Variants in CNTN2 observed in about 807,000 individuals in gnomAD.
The protein encoded by CNTN2 is contactin 2, also known as contactin-2.
Under a neutral mutation model 117.5 loss-of-function variants are expected in CNTN2, and 53 were observed. That is an observed-to-expected ratio of 0.45 (90% CI 0.36 to 0.57). CNTN2 has a LOEUF of 0.57. Ranked by LOEUF, CNTN2 falls within the 20% of genes least tolerant of loss-of-function variation. The pLI, the probability that CNTN2 is intolerant of heterozygous loss-of-function variation, is 0.00. For missense variants in CNTN2, 1,106 were observed against 1,404.3 expected (o/e 0.79, Z 3.39); for synonymous variants, 530 against 561.7 (o/e 0.94, Z 0.80).
intron 9 of CNTN2, 23 bp downstream of exon 9, chr1:205,062,024 C>A (rs575930607): frequency 6.2e-7 from 1 of 1,610,018 alleles, no homozygotes; most frequent in South Asian, 1.1e-5. Flanking sequence ...GGGCTTCCCC[C>A]GACACATCAC....
Position 205,078,108 on chromosome 1 carries a change from C to T in CNTN2, c.*4343C>T, listed in dbSNP as rs1654945818. 6.6e-6 allele frequency: 1 copy of T among 152,190 alleles called. No individual in the cohort carries two copies. Among genetic ancestry groups the T allele is most frequent in the Non-Finnish European group, 1.5e-5 (1 of 68,054 alleles). The allele number at this position is 152,190 out of a possible 1,614,324, so 9.4% of individuals were successfully genotyped here. On this transcript the variant is annotated 3_prime_UTR_variant, in exon 23 of 23. Transcript: ENST00000331830. ...TTTATCCAAGAATTTCTTTACCCCC[C>T]ACACAGTGAAATATAAGTAAGTTAC...
intron 18 of CNTN2, 174 bp downstream of exon 18, chr1:205,070,235 C>A: frequency 1.3e-6 from 1 of 751,878 alleles, no homozygotes; most frequent in Non-Finnish European, 2.2e-6. Flanking sequence ...TGTCTCCCTT[C>A]GGGGTTAGGA....
chr1:205,055,635 G>GTT (rs1423642027), intron 2 of CNTN2, among the ~76,000 whole-genome samples: 1 of 152,162 alleles, frequency 6.6e-6, no homozygotes, highest in African/African-American at 2.4e-5. Context: ...GCCTCTGGTG[G>GTT]TTCTGATGGG....
At chr1:205,052,186 A>G (rs1180885143) in intron 1 of CNTN2, among the ~76,000 whole-genome samples, 1 of 152,204 alleles carries the variant, frequency 6.6e-6, no homozygotes, top group Non-Finnish European at 1.5e-5. Context: ...CCAGTGACCC[A>G]GGTTCACTCT....
In CNTN2 at chr1:205,061,398, G is replaced by A. The variant is rs1653973281; in HGVS notation, c.951G>A (p.Val317=). 2 of 1,612,356 alleles carry A rather than the reference G, an allele frequency of 1.2e-6. No homozygotes were observed. Among genetic ancestry groups the A allele is most frequent in the South Asian group, 2.2e-5 (2 of 90,828 alleles). The change falls in exon 8 of 23, where the codon GTG becomes GTA. Residue 317 remains valine, a synonymous_variant. Transcript: ENST00000331830. The surrounding 1 kb of genome is among the most constrained non-coding windows in gnomAD (Gnocchi z 4.8). ...EAENSKGRDT[V]QGRIIVQAQP... ...AGAACTCCAAGGGCCGAGACACCGTGCAGGGCCGCATCATCGTGCAGGGTA... is the reference window on the plus strand; with the variant it reads ...AGAACTCCAAGGGCCGAGACACCGTACAGGGCCGCATCATCGTGCAGGGTA...
chr1:205,047,835 G>C (rs562872712), intron 1 of CNTN2, among the ~76,000 whole-genome samples: 3 of 152,160 alleles, frequency 2.0e-5, no homozygotes, highest in African/African-American at 7.2e-5. Flanking sequence ...AGCCTGTGAT[G>C]GTGCTGACCT....
At position 205,065,660 on chromosome 1, in the gene CNTN2, T is replaced by G; in HGVS notation, c.1696-129T>G. The G allele has an allele frequency of 1.2e-5, 14 of 1,153,816 alleles. No homozygotes were observed. The highest frequency in any genetic ancestry group is 1.7e-5 in the Non-Finnish European group (14 of 815,562). The allele number at this position is 1,153,816 out of a possible 1,614,324, so 71.5% of individuals were successfully genotyped here. A position where few individuals can be genotyped will look rare whatever the true frequency, so the allele number is the denominator to read the frequency against. Reference sequence around the variant, plus strand: ...CCTCCCATTGAGCAGACAGGAAAACTGAGATCCAGTGGGGTCCATGGATGT... The same window carrying G: ...CCTCCCATTGAGCAGACAGGAAAACGGAGATCCAGTGGGGTCCATGGATGT... On this transcript the variant is annotated intron_variant, in intron 13 of 22. Transcript: ENST00000331830. The surrounding 1 kb of genome is among the most constrained non-coding windows in gnomAD (Gnocchi z 4.1).
At position 205,062,066 on chromosome 1, in the gene CNTN2, C is replaced by T. The variant is rs574440256; in HGVS notation, c.1110+65C>T. 104 of 1,561,004 alleles carry T rather than the reference C, an allele frequency of 6.7e-5. 1 individual carries two copies. In the Middle Eastern group the frequency reaches 8.4e-4, roughly 13 times the overall value. On this transcript the variant is annotated intron_variant, in intron 9 of 22. Transcript: ENST00000331830. ...CCTCTGCTCACTTGGTTCCCTCCCC[C>T]GCCCAGAACTTCCCCTGCACCACTA... is the stretch of plus-strand genomic sequence containing the variant.
intron 7 of CNTN2, chr1:205,060,022 G>A (rs1333445796): frequency 2.7e-5 from 8 of 291,140 alleles, no homozygotes; most frequent in African/African-American, 4.3e-5. Flanking sequence ...TCTGCCACCC[G>A]CAGACCTTGG....
At chr1:205,057,395 A>G (rs142145587) in intron 2 of CNTN2, 5 of 152,304 alleles carry the variant, frequency 3.3e-5, no homozygotes, top group African/African-American at 7.2e-5. Flanking sequence ...CTCACACCCC[A>G]CAGATCAGTT....
Position 205,059,233 on chromosome 1 carries a change from A to G in CNTN2, c.637A>G (p.Met213Val), listed in dbSNP as rs759152977. 3 of 1,614,212 alleles carry G rather than the reference A, an allele frequency of 1.9e-6. No individual in the cohort carries two copies. The highest frequency in any genetic ancestry group is 1.1e-5 in the South Asian group (1 of 91,084). The change falls in exon 6 of 23, where the codon ATG becomes GTG. Residue 213 changes from methionine to valine, a missense_variant. Transcript: ENST00000331830. The surrounding 1 kb of genome is among the most constrained non-coding windows in gnomAD (Gnocchi z 5.6). ...GNYSCLATSH[M>V]DFSTKSVFSK... Reference sequence around the variant, plus strand: ...CTACTCCTGTTTGGCCACCAGCCACATGGACTTCTCCACCAAGAGCGTCTT... The same window carrying G: ...CTACTCCTGTTTGGCCACCAGCCACGTGGACTTCTCCACCAAGAGCGTCTT...
Position 205,075,010 on chromosome 1 carries a change from G to A in CNTN2, c.*1245G>A. 1 of 397,856 alleles carries A rather than the reference G, an allele frequency of 2.5e-6. No homozygotes were observed. The allele number at this position is 397,856 out of a possible 1,614,324, so 24.6% of individuals were successfully genotyped here. Reference sequence around the variant, plus strand: ...CGTCAGAGCTGGAAGAAGCCTTAGAGCTCAACTTCTTCAAGCCCCTCACTT... The same window carrying A: ...CGTCAGAGCTGGAAGAAGCCTTAGAACTCAACTTCTTCAAGCCCCTCACTT... On this transcript the variant is annotated 3_prime_UTR_variant, in exon 23 of 23. Transcript: ENST00000331830.
At position 205,058,587 on chromosome 1, in the gene CNTN2, G is replaced by C. The variant is rs1273875201; in HGVS notation, c.411G>C (p.Lys137Asn). Residue 137 changes from lysine (K) to asparagine (N), a missense_variant, in exon 5 of 23, where the codon AAG becomes AAC. Coordinates refer to ENST00000331830, the MANE Select transcript of CNTN2 (RefSeq NM_005076.5). The surrounding 1 kb of genome is among the most constrained non-coding windows in gnomAD (Gnocchi z 4.3). ...CTCCAGTTCTGCAGGAATTCTCCAA[G>C]GAGGAGCGAGACCCAGTGAAAGCTC... The part of the protein sequence containing the change: ...LRFGFLQEFS[K>N]EERDPVKAHE... The C allele has an allele frequency of 1.1e-5, 17 of 1,613,842 alleles. No individual in the cohort carries two copies. The highest frequency in any genetic ancestry group is 1.4e-5 in the Non-Finnish European group (17 of 1,180,016).
chr1:205,060,526 A>C (rs1653913250), intron 7 of CNTN2: 1 of 152,052 alleles, frequency 6.6e-6, no homozygotes, highest in Admixed American at 6.6e-5. Context: ...CATCCTGGCT[A>C]GCACGGTGAA....
Position 205,067,107 on chromosome 1 carries a change from C to A in CNTN2, c.1982C>A (p.Ala661Glu). The part of the protein sequence containing the change: ...GKWKQVRTNP[A>E]NIEGNAETAQ... The stretch of plus-strand genomic sequence containing the variant: ...ACTCCCTGGTGCCTTGCAGATCCTG[C>A]AAACATCGAGGGCAATGCCGAGACT... The change falls in exon 16 of 23, where the codon GCA becomes GAA. Residue 661 changes from alanine (A) to glutamate (E), a missense_variant. Physicochemically the swap from Ala to Glu is moderately radical, Grantham distance 107. Transcript: ENST00000331830. 6.2e-7 allele frequency: 1 copy of A among 1,608,960 alleles called. No homozygotes were observed. Among genetic ancestry groups the A allele is most frequent in the Non-Finnish European group, 8.5e-7 (1 of 1,177,614 alleles).
At chr1:205,068,241 G>A (rs1412473638) in intron 16 of CNTN2, 5 of 152,228 alleles carry the variant, frequency 3.3e-5, no homozygotes, top group African/African-American at 1.2e-4. Context: ...GGAAGGCCTG[G>A]AATGAGAGCC....
intron 9 of CNTN2, 142 bp from the exon 10 acceptor site, chr1:205,062,298 C>A: frequency 8.2e-7 from 1 of 1,213,754 alleles, no homozygotes; most frequent in Non-Finnish European, 1.1e-6. Flanking sequence ...TTCCAGGCAG[C>A]CCTGAGGTAG....
rs1180000308 is a variant in CNTN2, at chr1:205,075,175, G to A, written c.*1410G>A. 13 of 344,116 alleles carry A rather than the reference G, an allele frequency of 3.8e-5. No homozygotes were observed. The highest frequency in any genetic ancestry group is 7.2e-4 in the Middle Eastern group (1 of 1,384). The allele number at this position is 344,116 out of a possible 1,614,324, so 21.3% of individuals were successfully genotyped here. ...CTGTTTGTCTACCCAGAGGAAGGAG[G>A]CACTGCTGAATGGCTATGGCCTGGC... On this transcript the variant is annotated 3_prime_UTR_variant, in exon 23 of 23. Coordinates refer to ENST00000331830, the MANE Select transcript of CNTN2 (RefSeq NM_005076.5).
At position 205,065,252 on chromosome 1, in the gene CNTN2, G is replaced by A; in HGVS notation, c.1685G>A (p.Arg562Lys). ...DFDKPGGHYR[R>K]TNVKETIGDL... Reference sequence around the variant, plus strand: ...GATAAGCCTGGAGGGCACTACCGGAGAACTAATGTGGTGAGACCTAGGGCC... The same window carrying A: ...GATAAGCCTGGAGGGCACTACCGGAAAACTAATGTGGTGAGACCTAGGGCC... Residue 562 changes from arginine (R) to lysine (K), a missense_variant, in exon 13 of 23, where the codon AGA becomes AAA. Arg to Lys is a conservative substitution (Grantham distance 26, BLOSUM62 2). Coordinates refer to ENST00000331830, the MANE Select transcript of CNTN2 (RefSeq NM_005076.5). This position sits in a 1 kb window ranked among gnomAD's most constrained non-coding sequence, Gnocchi z 4.1. 2 of 1,614,146 alleles carry A rather than the reference G, an allele frequency of 1.2e-6. No homozygotes were observed.
Sources: allele counts gnomAD v4.1 joint callset (sites outside exome capture counted in the v4.1 genomes callset), GRCh38; gene constraint gnomAD v4.1.1; non-coding constraint Gnocchi (gnomAD v3.1); transcripts MANE v1.5; gene names NCBI Gene and HGNC (gene_info 2026-07-23, HGNC 2026-07-21).